Variants in PDCD6IP observed in about 807,000 individuals in gnomAD.
PDCD6IP encodes the protein programmed cell death 6-interacting protein.
In PDCD6IP, 43 loss-of-function variants were observed where a neutral mutation model predicts 103.7. The observed-to-expected ratio is 0.41, with a 90% confidence interval of 0.32 to 0.53. The LOEUF is 0.53. Among genes scored for constraint, PDCD6IP ranks in the 20% least tolerant of loss-of-function variants. PDCD6IP has a pLI of 0.16. For synonymous variants in PDCD6IP, 354 were observed against 378.7 expected (o/e 0.93, Z 0.76); for missense variants, 871 against 1,036.7 (o/e 0.84, Z 2.20).
At chr3:33,819,703 G>A (rs1034315075) in intron 3 of PDCD6IP, among the ~76,000 whole-genome samples, 2 of 152,148 alleles carry the variant, frequency 1.3e-5, no homozygotes, top group African/African-American at 4.8e-5. Context: ...CTCCTAGATT[G>A]GTTTGTTCAG....
chr3:33,808,394 C>T (rs914883674), intron 1 of PDCD6IP, among the ~76,000 whole-genome samples: 2 of 152,128 alleles, frequency 1.3e-5, no homozygotes, highest in South Asian at 2.1e-4. Context: ...CCACCTTATC[C>T]CGCTGCATAG....
intron 12 of PDCD6IP, 31 bp from the exon 13 acceptor site, chr3:33,852,454 TTTG>T: frequency 4.2e-5 from 57 of 1,344,240 alleles, no homozygotes; most frequent in South Asian, 2.6e-4. Flanking sequence ...TTTTTTTTTT[TTTG>T]CAGTTAAACT....
At position 33,868,491 on chromosome 3, in the gene PDCD6IP, A is replaced by G. The variant is rs1698115256; in HGVS notation, c.*1966A>G. The G allele has an allele frequency of 6.5e-6, 1 of 152,886 alleles. No homozygotes were observed. Among genetic ancestry groups the G allele is most frequent in the African/African-American group, 2.4e-5 (1 of 41,470 alleles). The allele number at this position is 152,886 out of a possible 1,614,324, so 9.5% of individuals were successfully genotyped here. On this transcript the variant is annotated 3_prime_UTR_variant, in exon 18 of 18. Transcript: ENST00000307296. ...GGAGGCCCCCACAGCTGATCCTGCCACAGCACACCTGACTCACTCGGCTCT... is the reference window on the plus strand; with the variant it reads ...GGAGGCCCCCACAGCTGATCCTGCCGCAGCACACCTGACTCACTCGGCTCT...
At position 33,866,608 on chromosome 3, in the gene PDCD6IP, C is replaced by G. The variant is rs894461763; in HGVS notation, c.*83C>G. 1.1e-5 allele frequency: 13 copies of G among 1,154,598 alleles called. No homozygotes were observed. In the Admixed American group the frequency reaches 1.7e-4, roughly 15 times the overall value. The allele number at this position is 1,154,598 out of a possible 1,614,324, so 71.5% of individuals were successfully genotyped here. Reference sequence around the variant, plus strand: ...CAATAAGTGTACTAAACTCTACGCTCTGGTTAATGTAATGTACTCTCCTGG... The same window carrying G: ...CAATAAGTGTACTAAACTCTACGCTGTGGTTAATGTAATGTACTCTCCTGG... On this transcript the variant is annotated 3_prime_UTR_variant, in exon 18 of 18. Transcript: ENST00000307296.
At chr3:33,863,943 G>T in intron 15 of PDCD6IP, 63 bp from the exon 16 acceptor site, 2 of 1,051,536 alleles carry the variant, frequency 1.9e-6, no homozygotes, top group African/African-American at 1.6e-5. Flanking sequence ...AAGAAAAGCT[G>T]ATATTTTATG....
At position 33,802,778 on chromosome 3, in the gene PDCD6IP, C is replaced by T. The variant is rs567448826; in HGVS notation, c.209+3841C>T. 1.1e-3 allele frequency among the ~76,000 whole-genome samples: 167 copies of T among 152,344 alleles called. 1 individual carries two copies. Among genetic ancestry groups the T allele is most frequent in the African/African-American group, 3.6e-3 (149 of 41,580 alleles). ...GTGCTGGGATTACAGGCGTGAGCCA[C>T]TGTGCCCGGCCAATCTCTGACGTTT... On this transcript the variant is annotated intron_variant, in intron 1 of 17. Coordinates refer to ENST00000307296, the MANE Select transcript of PDCD6IP (RefSeq NM_013374.6).
At chr3:33,843,406 G>C (rs1296896907) in intron 10 of PDCD6IP, among the ~76,000 whole-genome samples, 2 of 144,870 alleles carry the variant, frequency 1.4e-5, no homozygotes, top group Non-Finnish European at 3.0e-5. Context: ...TGGTGGGCCA[G>C]TGCTAGCTTG....
At chr3:33,860,004 T>G (rs1697917578) in intron 15 of PDCD6IP, among the ~76,000 whole-genome samples, 1 of 152,162 alleles carries the variant, frequency 6.6e-6, no homozygotes. Flanking sequence ...TGTTTTCAAT[T>G]TACTGATATG....
intron 15 of PDCD6IP, among the ~76,000 whole-genome samples, chr3:33,860,108 T>G (rs184740641): frequency 2.2e-4 from 33 of 152,282 alleles, no homozygotes; most frequent in African/African-American, 7.9e-4. Context: ...ATATAGAAAT[T>G]GGCTTGTTTA....
intron 9 of PDCD6IP, 25 bp from the exon 10 acceptor site, chr3:33,841,872 A>G (rs1407685191): frequency 1.3e-6 from 2 of 1,507,320 alleles, no homozygotes; most frequent in East Asian, 2.3e-5. Flanking sequence ...AGACTTCAGT[A>G]TAACATAGTA....
intron 10 of PDCD6IP, among the ~76,000 whole-genome samples, chr3:33,842,794 G>A (rs1467485119): frequency 6.6e-6 from 1 of 152,152 alleles, no homozygotes; most frequent in Non-Finnish European, 1.5e-5. Context: ...TTATTACTCA[G>A]ATTTTACCAG....
chr3:33,837,734 T>A (rs1453710379), intron 8 of PDCD6IP, among the ~76,000 whole-genome samples: 1 of 151,998 alleles, frequency 6.6e-6, no homozygotes, highest in Non-Finnish European at 1.5e-5. Context: ...GACTACAGGC[T>A]CCTACCATTA....
chr3:33,815,728 T>C lies in PDCD6IP; in HGVS notation c.334+2100T>C, dbSNP rs904111364. On this transcript the variant is annotated intron_variant, in intron 3 of 17. Coordinates refer to ENST00000307296, the MANE Select transcript of PDCD6IP (RefSeq NM_013374.6). ...GACTCTGAGATTTAATAAGTTGGTT[T>C]GACCTGTTGGATATTTATTCCTCTT... Among the ~76,000 whole-genome samples, 4 of 152,230 alleles carry C rather than the reference T, an allele frequency of 2.6e-5. No individual in the cohort carries two copies. In the South Asian group the frequency reaches 8.3e-4, roughly 32 times the overall value.
intron 1 of PDCD6IP, chr3:33,799,244 A>T: frequency 3.0e-6 from 1 of 336,974 alleles, no homozygotes; most frequent in Admixed American, 4.7e-5. Context: ...TTTACTTAGA[A>T]CTAGTCTTCA....
intron 8 of PDCD6IP, among the ~76,000 whole-genome samples, chr3:33,836,610 C>G (rs1271722846): frequency 6.6e-6 from 1 of 151,108 alleles, no homozygotes; most frequent in East Asian, 2.0e-4. Context: ...AATCCTAGCA[C>G]TTTGGGAGGC....
At chr3:33,865,792 A>G (rs943742147) in intron 17 of PDCD6IP, among the ~76,000 whole-genome samples, 11 of 152,232 alleles carry the variant, frequency 7.2e-5, no homozygotes, top group African/African-American at 2.4e-5. Context: ...TACTTAGAAT[A>G]CTTGGCATTT....
intron 3 of PDCD6IP, among the ~76,000 whole-genome samples, chr3:33,814,390 C>T (rs1575905238): frequency 6.6e-6 from 1 of 151,866 alleles, no homozygotes; most frequent in East Asian, 1.9e-4. Flanking sequence ...CCATCTCGGC[C>T]TCCCAAAGTG....
chr3:33,836,923 C>G (rs1697361580), intron 8 of PDCD6IP, among the ~76,000 whole-genome samples: 1 of 150,880 alleles, frequency 6.6e-6, no homozygotes, highest in African/African-American at 2.4e-5. Context: ...ATATTTTTTT[C>G]TTTTCTTTTT....
chr3:33,830,030 C>T (rs1697213049), intron 7 of PDCD6IP, among the ~76,000 whole-genome samples: 1 of 152,148 alleles, frequency 6.6e-6, no homozygotes, highest in Non-Finnish European at 1.5e-5. Flanking sequence ...AGGGCAGAGC[C>T]CTCTTGACCT....
Sources: gnomAD v4.1 joint callset for allele counts (sites outside exome capture counted in the v4.1 genomes callset) on GRCh38, gnomAD v4.1.1 for gene constraint, MANE v1.5 for transcripts, NCBI Gene and HGNC (gene_info 2026-07-23, HGNC 2026-07-21) for gene names.